Variants in SLC10A1 observed in about 807,000 individuals in gnomAD.
SLC10A1 encodes the protein hepatic sodium/bile acid cotransporter.
A neutral mutation model predicts 20.5 loss-of-function variants in SLC10A1; 36 were observed. The observed-to-expected ratio is 1.75, with a 90% CI of 1.34 to 2.32. SLC10A1 has a LOEUF of 2.32. Ranked by LOEUF, SLC10A1 falls within the 30% of genes most tolerant of loss-of-function variation. The pLI is 0.00. For synonymous variants in SLC10A1, 188 were observed against 163.6 expected (o/e 1.15, Z -1.14); for missense variants, 545 against 439.1 (o/e 1.24, Z -2.16).
rs531022531 is a variant in SLC10A1, at chr14:69,775,781, C to G, written c.*501G>C. ...ATACTTGATGTCAAATTTGACTTTT[C>G]GGGAGCATCATCCCAATAATGTCAA... On this transcript the variant is annotated 3_prime_UTR_variant, in exon 5 of 5. Transcript: ENST00000216540. The G allele has an allele frequency of 6.6e-6, 1 of 152,280 alleles. No homozygotes were observed. Among genetic ancestry groups the G allele is most frequent in the Non-Finnish European group, 1.5e-5 (1 of 68,250 alleles). 9.4% of individuals were successfully genotyped at this position (152,280 alleles called of 1,614,324 possible).
chr14:69,791,975 A>G (rs1361103916), intron 1 of SLC10A1, among the ~76,000 whole-genome samples: 9 of 149,780 alleles, frequency 6.0e-5, no homozygotes, highest in Non-Finnish European at 1.3e-4. Flanking sequence ...TTTTTGAGAC[A>G]GGGTGTTGCT....
Position 69,776,260 on chromosome 14 carries a change from A to G in SLC10A1, c.*22T>C. The G allele has an allele frequency of 6.3e-7, 1 of 1,592,856 alleles. No individual in the cohort carries two copies. Among genetic ancestry groups the G allele is most frequent in the Non-Finnish European group, 8.6e-7 (1 of 1,164,204 alleles). On this transcript the variant is annotated 3_prime_UTR_variant, in exon 5 of 5. Transcript: ENST00000216540. ...CTTTCAGAATTGCTTTGGGACCAGA[A>G]TCCAGGCCACCAGGGGAAGGGCTAG...
At position 69,779,256 on chromosome 14, in the gene SLC10A1, G is replaced by A; in HGVS notation, c.672C>T (p.Ala224=). Residue 224 remains alanine, a synonymous_variant, in exon 3 of 5, where the codon GCC becomes GCT. Coordinates refer to ENST00000216540, the MANE Select transcript of SLC10A1 (RefSeq NM_003049.4). The stretch of plus-strand genomic sequence containing the variant: ...CAATAAAAGGCATCAGGGAGGAGGT[G>A]GCAATCAAGAGTGGTGTCATGGCAA... ...IMFAMTPLLI[A]TSSLMPFIGF... The A allele has an allele frequency of 6.2e-7, 1 of 1,613,936 alleles. No homozygotes were observed.
chr14:69,781,983 C>T (rs930338910), intron 2 of SLC10A1, among the ~76,000 whole-genome samples: 3 of 152,168 alleles, frequency 2.0e-5, no homozygotes, highest in Admixed American at 6.5e-5. Context: ...GAGGCTAGGA[C>T]AATCATTTGT....
chr14:69,776,165 A>T lies in SLC10A1; in HGVS notation c.*117T>A. The T allele has an allele frequency of 1.4e-6, 1 of 730,996 alleles. No homozygotes were observed. 45.3% of individuals were successfully genotyped at this position (730,996 alleles called of 1,614,324 possible). On this transcript the variant is annotated 3_prime_UTR_variant, in exon 5 of 5. Coordinates refer to ENST00000216540, the MANE Select transcript of SLC10A1 (RefSeq NM_003049.4). The stretch of plus-strand genomic sequence containing the variant: ...AAGACTTGATGATTCTGATAGATGT[A>T]CTGGAAATGCTGGAGAAAGACTCAG...
intron 2 of SLC10A1, among the ~76,000 whole-genome samples, chr14:69,783,912 C>T (rs1217066700): frequency 6.6e-6 from 1 of 152,200 alleles, no homozygotes; most frequent in Non-Finnish European, 1.5e-5. Context: ...ACTGGGCACA[C>T]ACACAGTGCC....
chr14:69,778,334 C>CT lies in SLC10A1; in HGVS notation c.941dup (p.Asp315GlyfsTer2). 1 of 1,599,582 alleles carries CT rather than the reference C, an allele frequency of 6.3e-7. No individual in the cohort carries two copies. Among genetic ancestry groups the CT allele is most frequent in the African/African-American group, 1.3e-5 (1 of 74,662 alleles). On this transcript the variant is annotated frameshift_variant and splice_region_variant, in exon 4 of 5. Coordinates refer to ENST00000216540, the MANE Select transcript of SLC10A1 (RefSeq NM_003049.4). LOFTEE classifies it low-confidence loss of function (END_TRUNC). Reference sequence around the variant, plus strand: ...AGTGGGGATAATTTCAGTACTCACCCTTGGGAGTCTTGAATTTCTCATAGC... The same window carrying CT: ...AGTGGGGATAATTTCAGTACTCACCCTTTGGGAGTCTTGAATTTCTCATAGC...
At chr14:69,779,034 G>A (rs1594760322) in intron 3 of SLC10A1, 148 bp downstream of exon 3, 14 of 593,704 alleles carry the variant, frequency 2.4e-5, no homozygotes, top group South Asian at 2.3e-4. Flanking sequence ...GGTGGCTTGT[G>A]CCTATAGTCC....
intron 1 of SLC10A1, among the ~76,000 whole-genome samples, chr14:69,789,944 C>T (rs758397118): frequency 9.9e-5 from 14 of 140,782 alleles, no homozygotes; most frequent in Non-Finnish European, 1.5e-4. Context: ...TTTTTAAAGG[C>T]CAATTAAATA....
intron 2 of SLC10A1, among the ~76,000 whole-genome samples, chr14:69,783,880 C>T (rs1256152396): frequency 6.6e-6 from 1 of 152,200 alleles, no homozygotes; most frequent in Non-Finnish European, 1.5e-5. Flanking sequence ...TTGAGAATGA[C>T]TTCCAGTTTC....
At chr14:69,777,713 T>A (rs1485020523) in intron 4 of SLC10A1, among the ~76,000 whole-genome samples, 10 of 151,706 alleles carry the variant, frequency 6.6e-5, no homozygotes, top group Non-Finnish European at 2.9e-5. Context: ...AGAGAAGAGA[T>A]GCTATGTTAA....
Position 69,776,285 on chromosome 14 carries a change from G to C in SLC10A1, c.1047C>G (p.Ala349=). The change falls in exon 5 of 5, where the codon GCC becomes GCG. Residue 349 remains alanine, a synonymous_variant. Coordinates refer to ENST00000216540, the MANE Select transcript of SLC10A1 (RefSeq NM_003049.4). The part of the protein sequence containing the change: ...YKGEDCSPCT[A] ...ATCCAGGCCACCAGGGGAAGGGCTA[G>C]GCTGTGCAAGGGGAGCAGTCCTCCC... is the stretch of plus-strand genomic sequence containing the variant. 6.2e-7 allele frequency: 1 copy of C among 1,611,950 alleles called. No individual in the cohort carries two copies. The highest frequency in any genetic ancestry group is 8.5e-7 in the Non-Finnish European group (1 of 1,179,042).
chr14:69,776,004 T>A lies in SLC10A1; in HGVS notation c.*278A>T, dbSNP rs201774158. On this transcript the variant is annotated 3_prime_UTR_variant, in exon 5 of 5. Coordinates refer to ENST00000216540, the MANE Select transcript of SLC10A1 (RefSeq NM_003049.4). ...GATGCTTATCAGACACTTTTAGAGA[T>A]CCCAGCAAGAGGCAGATTCGGTTTC... The A allele has an allele frequency of 2.4e-6, 1 of 409,022 alleles. No individual in the cohort carries two copies. 25.3% of individuals were successfully genotyped at this position (409,022 alleles called of 1,614,324 possible). A position where few individuals can be genotyped will look rare whatever the true frequency, so the allele number is the denominator to read the frequency against.
chr14:69,780,404 C>A (rs1020677535), intron 2 of SLC10A1, among the ~76,000 whole-genome samples: 3 of 152,152 alleles, frequency 2.0e-5, no homozygotes, highest in African/African-American at 7.2e-5. Flanking sequence ...CTCAAACTTA[C>A]CATGTTATTT....
intron 1 of SLC10A1, among the ~76,000 whole-genome samples, chr14:69,793,047 C>T (rs1882310594): frequency 6.6e-6 from 1 of 152,100 alleles, no homozygotes; most frequent in Non-Finnish European, 1.5e-5. Context: ...AATAGGAATA[C>T]AGGGGGTTTC....
chr14:69,789,511 T>C (rs1001211080), intron 1 of SLC10A1, among the ~76,000 whole-genome samples: 1 of 152,116 alleles, frequency 6.6e-6, no homozygotes, highest in Non-Finnish European at 1.5e-5. Context: ...ACAGAAAGAT[T>C]AGTGGTTGTC....
At chr14:69,789,441 A>G (rs1883793649) in intron 1 of SLC10A1, among the ~76,000 whole-genome samples, 1 of 152,266 alleles carries the variant, frequency 6.6e-6, no homozygotes, top group South Asian at 2.1e-4. Context: ...GCTAAGTGAA[A>G]GAAGTATAGA....
intron 2 of SLC10A1, among the ~76,000 whole-genome samples, chr14:69,782,917 T>A (rs948705498): frequency 3.9e-5 from 6 of 152,142 alleles, no homozygotes; most frequent in Non-Finnish European, 8.8e-5. Flanking sequence ...TCAGTTGTCA[T>A]TAGCACTATG....
At chr14:69,778,795 T>G (rs951065917) in intron 3 of SLC10A1, among the ~76,000 whole-genome samples, 6 of 152,210 alleles carry the variant, frequency 3.9e-5, no homozygotes, top group African/African-American at 1.4e-4. Context: ...TGCCCAGATT[T>G]CAGGTTCCTA....
Sources: allele counts gnomAD v4.1 joint callset (sites outside exome capture counted in the v4.1 genomes callset), GRCh38; gene constraint gnomAD v4.1.1; transcripts MANE v1.5; gene names NCBI Gene and HGNC (gene_info 2026-07-23, HGNC 2026-07-21).